The following AGBL4 variants were observed in gnomAD, a reference collection of about 807,000 sequenced individuals.
The protein encoded by AGBL4 is cytosolic carboxypeptidase 6.
A neutral mutation model predicts 66.4 loss-of-function variants in AGBL4; 58 were observed. That is an observed-to-expected ratio of 0.87 (90% CI 0.71 to 1.09). The LOEUF (loss-of-function observed/expected upper bound fraction) is 1.09. AGBL4 is among the 50% of genes least tolerant of loss of function. The pLI is 0.00. For missense variants in AGBL4, 579 were observed against 631.0 expected (o/e 0.92, Z 0.88); for synonymous variants, 234 against 222.9 (o/e 1.05, Z -0.44).
At chr1:50,002,665 G>T (rs12082075) in intron 1 of AGBL4, among the ~76,000 whole-genome samples, 2 of 152,022 alleles carry the variant, frequency 1.3e-5, no homozygotes, top group South Asian at 2.1e-4. Flanking sequence ...CACCGCGCCC[G>T]GCCAGCCCTA....
In AGBL4 at chr1:48,634,475, G is replaced by A. The variant is rs191310576; in HGVS notation, c.951+18C>T. ...CAAGCCATAGATCAGCAGCTGTGGAGGGCATTCAGTTACTTACTGGGTCGT... is the reference window on the plus strand; with the variant it reads ...CAAGCCATAGATCAGCAGCTGTGGAAGGCATTCAGTTACTTACTGGGTCGT... On this transcript the variant is annotated intron_variant, in intron 9 of 13. Transcript: ENST00000371839. 6.4e-6 allele frequency: 10 copies of A among 1,560,626 alleles called. No homozygotes were observed. Among genetic ancestry groups the A allele is most frequent in the Non-Finnish European group, 8.7e-6 (10 of 1,145,374 alleles).
At chr1:48,765,128 C>A (rs964923141) in intron 6 of AGBL4, among the ~76,000 whole-genome samples, 1 of 152,240 alleles carries the variant, frequency 6.6e-6, no homozygotes, top group Non-Finnish European at 1.5e-5. Context: ...ATCCTACCTA[C>A]CTTCTTTGTA....
At chr1:49,168,446 A>G (rs1201348944) in intron 4 of AGBL4, among the ~76,000 whole-genome samples, 1 of 152,160 alleles carries the variant, frequency 6.6e-6, no homozygotes, top group Non-Finnish European at 1.5e-5. Flanking sequence ...CAATAACCCT[A>G]TGGAAAGATC....
chr1:49,948,033 TATACATATAA>T (rs1655503157), intron 1 of AGBL4, among the ~76,000 whole-genome samples: 1 of 28,444 alleles, frequency 3.5e-5, no homozygotes. Flanking sequence ...TATAAATATA[TATACATATAA>T]ATATATAAAT....
intron 3 of AGBL4, among the ~76,000 whole-genome samples, chr1:49,635,212 A>G (rs1571219403): frequency 6.6e-6 from 1 of 152,306 alleles, no homozygotes; most frequent in South Asian, 2.1e-4. Flanking sequence ...CTCTCTTTTA[A>G]TTCATACTTC....
At chr1:49,007,981 A>ATCAGC in intron 5 of AGBL4, among the ~76,000 whole-genome samples, 1 of 152,222 alleles carries the variant, frequency 6.6e-6, no homozygotes, top group South Asian at 2.1e-4. Flanking sequence ...AACGAGCAAA[A>ATCAGC]TAACCAGCTA....
chr1:49,803,123 A>T lies in AGBL4; in HGVS notation c.157+48273T>A, dbSNP rs190927152. On this transcript the variant is annotated intron_variant, in intron 2 of 13. Coordinates refer to ENST00000371839, the MANE Select transcript of AGBL4 (RefSeq NM_032785.4). ...ATTTTATATATTCATAATTTATTTA[A>T]TTAAATAAATCTTATTTAATAAAAC... Among the ~76,000 whole-genome samples the T allele has an allele frequency of 2.4e-4, 36 of 151,242 alleles. No homozygotes were observed. The East Asian group carries it at 6.6e-3, about 28-fold the overall frequency.
rs1402442610 is a variant in AGBL4 at position 50,023,826 on chromosome 1, G to C, written c.-30C>G. ...GTTGTCCCTCAGTCTCCGAGCTCAC[G>C]CGAAGACCGCGGGGCAGTAGGGAGC... On this transcript the variant is annotated 5_prime_UTR_variant, in exon 1 of 14. Transcript: ENST00000371839. The C allele has an allele frequency of 6.5e-7, 1 of 1,546,614 alleles. No homozygotes were observed. The highest frequency in any genetic ancestry group is 8.7e-7 in the Non-Finnish European group (1 of 1,144,924).
chr1:48,675,992 G>A (rs1488711851), intron 6 of AGBL4, among the ~76,000 whole-genome samples: 3 of 152,156 alleles, frequency 2.0e-5, no homozygotes, highest in Non-Finnish European at 2.9e-5. Flanking sequence ...TTTATAGAAT[G>A]CCATTATGTG....
At chr1:50,016,867 G>A (rs1029259351) in intron 1 of AGBL4, among the ~76,000 whole-genome samples, 4 of 152,188 alleles carry the variant, frequency 2.6e-5, no homozygotes, top group Admixed American at 2.0e-4. Context: ...TTCAGCTGCT[G>A]TAGAAAGCAC....
At chr1:48,632,165 G>A (rs1645604219) in intron 9 of AGBL4, among the ~76,000 whole-genome samples, 1 of 152,098 alleles carries the variant, frequency 6.6e-6, no homozygotes, top group Admixed American at 6.5e-5. Context: ...TGCTATTCCA[G>A]GCCAGCTTGA....
intron 4 of AGBL4, among the ~76,000 whole-genome samples, chr1:49,219,854 C>T (rs1457957580): frequency 4.6e-5 from 7 of 152,144 alleles, no homozygotes; most frequent in Non-Finnish European, 7.4e-5. Flanking sequence ...GTCAATCTAA[C>T]AACACTCCCT....
At chr1:49,657,941 G>T (rs1385048269) in intron 3 of AGBL4, among the ~76,000 whole-genome samples, 1 of 152,098 alleles carries the variant, frequency 6.6e-6, no homozygotes, top group African/African-American at 2.4e-5. Flanking sequence ...CAGGATATAG[G>T]CATGGGCAAG....
chr1:49,592,543 T>C (rs1644771272), intron 3 of AGBL4, among the ~76,000 whole-genome samples: 2 of 152,266 alleles, frequency 1.3e-5, no homozygotes, highest in East Asian at 1.9e-4. Flanking sequence ...CATTTCAGCC[T>C]GGGTACACAG....
At chr1:49,242,873 T>C (rs1651344673) in intron 4 of AGBL4, among the ~76,000 whole-genome samples, 1 of 151,824 alleles carries the variant, frequency 6.6e-6, no homozygotes, top group Admixed American at 6.6e-5. Context: ...TTGTATCTTG[T>C]GTTAATTTGC....
At chr1:49,592,150 A>C (rs1462837482) in intron 3 of AGBL4, among the ~76,000 whole-genome samples, 1 of 152,232 alleles carries the variant, frequency 6.6e-6, no homozygotes, top group African/African-American at 2.4e-5. Context: ...ATAAACAGAC[A>C]ACCTACAGAA....
chr1:49,136,787 G>T (rs898004997), intron 4 of AGBL4, among the ~76,000 whole-genome samples: 4 of 152,056 alleles, frequency 2.6e-5, no homozygotes, highest in Admixed American at 2.6e-4. Flanking sequence ...CATATGGCTG[G>T]CAAGGATAAT....
At chr1:48,535,009 T>A in intron 12 of AGBL4, 93 bp from the exon 13 acceptor site, 1 of 1,224,872 alleles carries the variant, frequency 8.2e-7, no homozygotes, top group East Asian at 2.5e-5. Context: ...TTGAAGGATG[T>A]TGTTTTTAAC....
intron 3 of AGBL4, among the ~76,000 whole-genome samples, chr1:49,422,011 C>A (rs1421044192): frequency 6.6e-6 from 1 of 152,118 alleles, no homozygotes; most frequent in Non-Finnish European, 1.5e-5. Context: ...GTTTTGAAAT[C>A]CCTCTCTGAG....
Sources: allele counts gnomAD v4.1 joint callset (sites outside exome capture counted in the v4.1 genomes callset), GRCh38; gene constraint gnomAD v4.1.1; transcripts MANE v1.5; gene names NCBI Gene and HGNC (gene_info 2026-07-23, HGNC 2026-07-21).